Variants in SFMBT1 observed in about 807,000 individuals in gnomAD.
The protein encoded by SFMBT1 is Scm like with four mbt domains 1.
In SFMBT1, 32 loss-of-function variants were observed where a neutral mutation model predicts 108.7. The observed-to-expected ratio is 0.29, with a 90% confidence interval of 0.22 to 0.40. The LOEUF (loss-of-function observed/expected upper bound fraction) is 0.40. Ranked by LOEUF, SFMBT1 falls within the 10% of genes least tolerant of loss-of-function variation. The pLI is 1.00. For synonymous variants in SFMBT1, 348 were observed against 369.5 expected (o/e 0.94, Z 0.67); for missense variants, 816 against 1,059.6 (o/e 0.77, Z 3.19).
At chr3:52,999,423 G>T (rs528228165) in intron 1 of SFMBT1, among the ~76,000 whole-genome samples, 46 of 150,596 alleles carry the variant, frequency 3.1e-4, no homozygotes, top group African/African-American at 1.0e-3. Flanking sequence ...ATTCCAGGGT[G>T]GGGCAGGGAG....
intron 1 of SFMBT1, among the ~76,000 whole-genome samples, chr3:53,012,231 A>G (rs1698966545): frequency 6.6e-6 from 1 of 152,190 alleles, no homozygotes; most frequent in South Asian, 2.1e-4. Flanking sequence ...CCTCTGGGAG[A>G]GATTTCCAGT....
intron 10 of SFMBT1, among the ~76,000 whole-genome samples, chr3:52,925,422 A>G (rs560370505): frequency 1.3e-5 from 2 of 152,244 alleles, no homozygotes; most frequent in Non-Finnish European, 2.9e-5. Flanking sequence ...CAGCACCATA[A>G]GACAGGGTGA....
Position 52,967,441 on chromosome 3 carries a change from G to C in SFMBT1, c.28+1660C>G, listed in dbSNP as rs187894627. Reference sequence around the variant, plus strand: ...GGTGGAAAAGGAAATGATGGCTAATGGTTTGTTGTGATGGAATGTTCTGGA... The same window carrying C: ...GGTGGAAAAGGAAATGATGGCTAATCGTTTGTTGTGATGGAATGTTCTGGA... On this transcript the variant is annotated intron_variant, in intron 2 of 20. Transcript: ENST00000394752. Among the ~76,000 whole-genome samples the C allele has an allele frequency of 1.9e-3, 288 of 152,224 alleles. 5 individuals carry two copies. Among genetic ancestry groups the C allele is most frequent in the East Asian group, 1.5e-3 (8 of 5,184 alleles).
intron 4 of SFMBT1, among the ~76,000 whole-genome samples, chr3:52,935,230 A>C (rs989709210): frequency 1.3e-5 from 2 of 152,216 alleles, no homozygotes; most frequent in Non-Finnish European, 2.9e-5. Context: ...GATCTAATGA[A>C]TCCTAAGTGC....
At chr3:52,975,439 AG>A (rs2106869622) in intron 1 of SFMBT1, among the ~76,000 whole-genome samples, 1 of 152,320 alleles carries the variant, frequency 6.6e-6, no homozygotes, top group Non-Finnish European at 1.5e-5. Flanking sequence ...CTGTAATCCC[AG>A]CACTGTGGGA....
Position 52,931,033 on chromosome 3 carries a change from T to C in SFMBT1, c.703A>G (p.Ile235Val), listed in dbSNP as rs138462433. ...QGYELQPPSA[I>V]RHLKNEAEWQ... The stretch of plus-strand genomic sequence containing the variant: ...TCAGCTTCATTTTTTAGATGTCTAA[T>C]GGCTTTAATAAAACATGACAACATG... The change falls in exon 7 of 21, where the codon ATT becomes GTT. Residue 235 changes from isoleucine (I) to valine (V), a missense_variant and splice_region_variant. Physicochemically the swap from Ile to Val is conservative, Grantham distance 29. Around this residue, in one of 5 missense-constraint regions of SFMBT1, gnomAD observed 495 missense variants for 607.4 expected, o/e 0.81. Coordinates refer to ENST00000394752, the MANE Select transcript of SFMBT1 (RefSeq NM_016329.4). 1 of 1,613,626 alleles carries C rather than the reference T, an allele frequency of 6.2e-7. No homozygotes were observed. Among genetic ancestry groups the C allele is most frequent in the South Asian group, 1.1e-5 (1 of 91,076 alleles).
At chr3:52,917,988 T>C (rs73839534) in intron 13 of SFMBT1, among the ~76,000 whole-genome samples, 3,285 of 152,246 alleles carry the variant, frequency 0.022, 142 homozygotes, top group African/African-American at 0.075. Context: ...ACAGAAACAT[T>C]TGTACTTTTA....
At position 52,981,019 on chromosome 3, in the gene SFMBT1, G is replaced by A. The variant is rs185891672; in HGVS notation, c.-130-11761C>T. ...CTCTACTAAAAATACAAAATTAGCC[G>A]GGCGTGGTGGCACATGCCTGTAATC... On this transcript the variant is annotated intron_variant, in intron 1 of 20. Coordinates refer to ENST00000394752, the MANE Select transcript of SFMBT1 (RefSeq NM_016329.4). Among the ~76,000 whole-genome samples the A allele has an allele frequency of 8.3e-3, 1,269 of 152,190 alleles. 17 individuals are homozygous for A. Among genetic ancestry groups the A allele is most frequent in the African/African-American group, 0.029 (1,209 of 41,518 alleles).
At chr3:53,035,407 G>T (rs996179890) in intron 1 of SFMBT1, among the ~76,000 whole-genome samples, 1 of 152,210 alleles carries the variant, frequency 6.6e-6, no homozygotes, top group Non-Finnish European at 1.5e-5. Flanking sequence ...GGGGAAGGTA[G>T]GGAGACCATT....
At chr3:53,019,364 C>T (rs577688683) in intron 1 of SFMBT1, among the ~76,000 whole-genome samples, 25 of 143,374 alleles carry the variant, frequency 1.7e-4, no homozygotes, top group Non-Finnish European at 3.5e-4. Flanking sequence ...TAAGAGGACT[C>T]AGTCACTGGT....
At chr3:52,911,510 G>C (rs1477980322) in intron 16 of SFMBT1, among the ~76,000 whole-genome samples, 3 of 152,076 alleles carry the variant, frequency 2.0e-5, no homozygotes, top group African/African-American at 7.2e-5. Context: ...CTTTACCCTT[G>C]GCAGTGATCC....
chr3:52,912,598 C>T lies in SFMBT1; in HGVS notation c.1670G>A (p.Arg557Gln), dbSNP rs765557845. ...AGAGTCTTTGTCCAGCTGGAGCTCC[C>T]GAAGGACACGGCTGGGTTTGTAGGC... ...NAAYKPSRVL[R>Q]ELQLDKDSVW... The change falls in exon 16 of 21, where the codon CGG becomes CAG. Residue 557 changes from arginine (R) to glutamine (Q), a missense_variant. Coordinates refer to ENST00000394752, the MANE Select transcript of SFMBT1 (RefSeq NM_016329.4). 2.4e-5 allele frequency: 39 copies of T among 1,613,930 alleles called. No homozygotes were observed. The highest frequency in any genetic ancestry group is 2.9e-5 in the Non-Finnish European group (34 of 1,179,980).
intron 17 of SFMBT1, among the ~76,000 whole-genome samples, chr3:52,909,722 A>T (rs1302094358): frequency 6.6e-6 from 1 of 152,244 alleles, no homozygotes; most frequent in Non-Finnish European, 1.5e-5. Context: ...CAAGTGACAT[A>T]GGGCTTGTAG....
chr3:52,907,947 G>A (rs1702114336), intron 17 of SFMBT1, among the ~76,000 whole-genome samples: 1 of 152,012 alleles, frequency 6.6e-6, no homozygotes, highest in Admixed American at 6.6e-5. Context: ...CTTCAACCCA[G>A]AAAGCTCCCA....
At chr3:52,987,943 G>C (rs1704987132) in intron 1 of SFMBT1, among the ~76,000 whole-genome samples, 1 of 152,080 alleles carries the variant, frequency 6.6e-6, no homozygotes. Flanking sequence ...ATTAAGAATG[G>C]AATAACACTG....
chr3:53,006,163 G>T (rs1052168876), intron 1 of SFMBT1, among the ~76,000 whole-genome samples: 1 of 152,210 alleles, frequency 6.6e-6, no homozygotes, highest in African/African-American at 2.4e-5. Context: ...AGTTAGCCTG[G>T]AGGCCTTATA....
At position 52,918,509 on chromosome 3, in the gene SFMBT1, T is replaced by C. The variant is rs771501963; in HGVS notation, c.1390A>G (p.Ile464Val). 14 of 1,562,274 alleles carry C rather than the reference T, an allele frequency of 9.0e-6. No homozygotes were observed. The South Asian group carries it at 1.5e-4, about 16-fold the overall frequency. Residue 464 changes from isoleucine (I) to valine (V), a missense_variant, in exon 13 of 21, where the codon ATT (isoleucine) becomes GTT (valine). This residue lies in a region of SFMBT1 where 495 missense variants were observed against 607.4 expected (regional missense o/e 0.81). Transcript: ENST00000394752. ...RRARVYKQRKIAVVQPEKQVP... is the reference protein window; with the variant it reads ...RRARVYKQRKVAVVQPEKQVP... ...TGTTTTTCTGGCTGAACCACTGCAATTTTCCTCTGTTTATATACTGTAGAA... is the reference window on the plus strand; with the variant it reads ...TGTTTTTCTGGCTGAACCACTGCAACTTTCCTCTGTTTATATACTGTAGAA...
At chr3:52,970,813 C>T (rs1704315463) in intron 1 of SFMBT1, among the ~76,000 whole-genome samples, 1 of 152,132 alleles carries the variant, frequency 6.6e-6, no homozygotes, top group African/African-American at 2.4e-5. Flanking sequence ...TGAAAAGGTA[C>T]CAGCTACCTA....
chr3:52,961,662 T>C (rs959786504), intron 2 of SFMBT1, among the ~76,000 whole-genome samples: 1 of 152,370 alleles, frequency 6.6e-6, no homozygotes, highest in East Asian at 1.9e-4. Context: ...ATATTTATGC[T>C]AGGCACATGA....
Sources: allele counts gnomAD v4.1 joint callset (sites outside exome capture counted in the v4.1 genomes callset), GRCh38; gene constraint gnomAD v4.1.1; regional missense constraint gnomAD v4.1.1; transcripts MANE v1.5; gene names NCBI Gene and HGNC (gene_info 2026-07-23, HGNC 2026-07-21).